Variants in ITIH5 observed in about 807,000 individuals in gnomAD.
ITIH5 encodes inter-alpha-trypsin inhibitor heavy chain 5.
In ITIH5, 65 loss-of-function variants were observed where a neutral mutation model predicts 77.5. The ratio of observed to expected loss-of-function variants is 0.84; its 90% confidence interval spans 0.69 to 1.03. ITIH5 has a LOEUF of 1.03. Among genes scored for constraint, ITIH5 ranks in the 50% least tolerant of loss-of-function variants. The pLI is 0.00. For missense variants in ITIH5, 1,208 were observed against 1,213.1 expected (o/e 1.00, Z 0.06); for synonymous variants, 525 against 494.3 (o/e 1.06, Z -0.82).
intron 7 of ITIH5, among the ~76,000 whole-genome samples, chr10:7,611,834 T>G (rs969014793): frequency 2.0e-5 from 3 of 152,094 alleles, no homozygotes; most frequent in African/African-American, 7.2e-5. Context: ...TAATTACTTT[T>G]AGGCTTAAAA....
intron 8 of ITIH5, among the ~76,000 whole-genome samples, chr10:7,580,895 A>G (rs1308365381): frequency 3.3e-5 from 5 of 152,006 alleles, no homozygotes; most frequent in Non-Finnish European, 5.9e-5. Context: ...CAGAGAAAGG[A>G]GCCATGAAAT....
chr10:7,656,805 A>G (rs1311653258), intron 1 of ITIH5, among the ~76,000 whole-genome samples: 3 of 136,258 alleles, frequency 2.2e-5, no homozygotes, highest in East Asian at 2.2e-4. Flanking sequence ...GTGCTGTGGC[A>G]TGGTCTTGGC....
At chr10:7,644,295 T>TATC (rs1276872089) in intron 2 of ITIH5, among the ~76,000 whole-genome samples, 3 of 149,032 alleles carry the variant, frequency 2.0e-5, no homozygotes, top group African/African-American at 7.4e-5. Context: ...ATATCATATA[T>TATC]ATCATACATA....
At chr10:7,628,927 GTGT>G (rs1347143509) in intron 5 of ITIH5, among the ~76,000 whole-genome samples, 3 of 111,034 alleles carry the variant, frequency 2.7e-5, no homozygotes, top group African/African-American at 3.8e-5. Flanking sequence ...ATATGTATCT[GTGT>G]TTTCACATGT....
chr10:7,603,061 C>A (rs527625738), intron 7 of ITIH5, among the ~76,000 whole-genome samples: 3 of 152,210 alleles, frequency 2.0e-5, no homozygotes, highest in Non-Finnish European at 4.4e-5. Flanking sequence ...AGAAATCCTA[C>A]ACCTGAGCAT....
At chr10:7,620,549 C>A (rs1833458013) in intron 5 of ITIH5, 1 of 152,190 alleles carries the variant, frequency 6.6e-6, no homozygotes, top group Admixed American at 6.5e-5. Flanking sequence ...AAAATTTTAT[C>A]AAGCTGTACA....
chr10:7,598,693 T>C (rs1050852174), intron 7 of ITIH5, among the ~76,000 whole-genome samples: 1 of 152,162 alleles, frequency 6.6e-6, no homozygotes, highest in Non-Finnish European at 1.5e-5. Flanking sequence ...ACCCCATCTA[T>C]GTAAAAATAT....
chr10:7,569,465 C>A, intron 12 of ITIH5: 1 of 431,812 alleles, frequency 2.3e-6, no homozygotes, highest in Admixed American at 4.0e-5. Flanking sequence ...GGCATGTGCC[C>A]AAGGTCACAC....
At chr10:7,612,246 T>G (rs1833261635) in intron 7 of ITIH5, among the ~76,000 whole-genome samples, 1 of 152,170 alleles carries the variant, frequency 6.6e-6, no homozygotes, top group Admixed American at 6.5e-5. Context: ...ATAAATGTTC[T>G]GCAGCTACAC....
chr10:7,601,904 G>C (rs1001142944), intron 7 of ITIH5, among the ~76,000 whole-genome samples: 1 of 152,074 alleles, frequency 6.6e-6, no homozygotes, highest in African/African-American at 2.4e-5. Context: ...CCAGGCTGGA[G>C]TGCAGTGGCT....
Position 7,628,783 on chromosome 10 carries a change from A to T in ITIH5, c.652+8445T>A, listed in dbSNP as rs1262412620. On this transcript the variant is annotated intron_variant, in intron 5 of 13. Transcript: ENST00000397146. The stretch of plus-strand genomic sequence containing the variant: ...TGTGTCCATGTTGTAGCGTGTGTCC[A>T]TGTTATCATATGTATCTGTGTTTTT... Among the ~76,000 whole-genome samples the T allele has an allele frequency of 3.3e-5, 4 of 121,398 alleles. 1 individual carries two copies. The highest frequency in any genetic ancestry group is 5.5e-5 in the Non-Finnish European group (3 of 54,308). The allele number at this position is 121,398 out of a possible 152,430, so 79.6% of individuals were successfully genotyped here.
intron 3 of ITIH5, among the ~76,000 whole-genome samples, chr10:7,641,288 G>T: frequency 6.6e-6 from 1 of 152,128 alleles, no homozygotes; most frequent in East Asian, 1.9e-4. Context: ...CCATGGAGGA[G>T]GAAGAGCCTC....
chr10:7,644,876 TATATATATCAC>T (rs1564278355), intron 2 of ITIH5, among the ~76,000 whole-genome samples: 10 of 74,580 alleles, frequency 1.3e-4, no homozygotes, highest in Non-Finnish European at 1.7e-4. Flanking sequence ...ATATATCACA[TATATATATCAC>T]ATATATATAT....
At chr10:7,664,216 G>A (rs967695015) in intron 1 of ITIH5, among the ~76,000 whole-genome samples, 3 of 151,926 alleles carry the variant, frequency 2.0e-5, no homozygotes, top group African/African-American at 4.8e-5. Context: ...CCTGGCCAAC[G>A]TGATGTATTT....
At chr10:7,614,159 A>G (rs1226488472) in intron 7 of ITIH5, among the ~76,000 whole-genome samples, 1 of 152,240 alleles carries the variant, frequency 6.6e-6, no homozygotes, top group East Asian at 1.9e-4. Flanking sequence ...TTTTAAAAAT[A>G]CGCTCATGGA....
At chr10:7,637,187 T>C (rs781555825) in intron 5 of ITIH5, 41 bp downstream of exon 5, 24 of 1,578,976 alleles carry the variant, frequency 1.5e-5, no homozygotes, top group Non-Finnish European at 2.1e-5. Flanking sequence ...AGCTGGGTGT[T>C]TTCACCACAG....
chr10:7,571,995 A>T, intron 11 of ITIH5: 1 of 1,005,220 alleles, frequency 9.9e-7, no homozygotes, highest in Non-Finnish European at 1.2e-6. Flanking sequence ...TTTCTACTCA[A>T]ATTGTCCAAA....
chr10:7,596,019 A>T (rs1564251319), intron 7 of ITIH5, among the ~76,000 whole-genome samples: 1 of 152,236 alleles, frequency 6.6e-6, no homozygotes, highest in Non-Finnish European at 1.5e-5. Flanking sequence ...ATTAATAAAT[A>T]AATAAATAAA....
intron 7 of ITIH5, among the ~76,000 whole-genome samples, chr10:7,606,195 G>A (rs1278694204): frequency 2.0e-5 from 3 of 152,178 alleles, no homozygotes; most frequent in Admixed American, 6.5e-5. Flanking sequence ...GCAGTCTGGC[G>A]ATTTCTCAAA....
Sources: gnomAD v4.1 joint callset for allele counts (sites outside exome capture counted in the v4.1 genomes callset) on GRCh38, gnomAD v4.1.1 for gene constraint, MANE v1.5 for transcripts, NCBI Gene and HGNC (gene_info 2026-07-23, HGNC 2026-07-21) for gene names.